LRP1B: variants seen among roughly 807,000 people sequenced by gnomAD.
LRP1B encodes low-density lipoprotein receptor-related protein 1B.
Under a neutral mutation model 556.6 loss-of-function variants are expected in LRP1B, and 217 were observed. That is an observed-to-expected ratio of 0.39 (90% CI 0.35 to 0.44). The LOEUF (loss-of-function observed/expected upper bound fraction) is 0.44. Ranked by LOEUF, LRP1B falls within the 20% of genes least tolerant of loss-of-function variation. LRP1B has a pLI of 1.00. For missense variants in LRP1B, 5,053 were observed against 5,620.8 expected (o/e 0.90, Z 3.23); for synonymous variants, 2,047 against 1,865.8 (o/e 1.10, Z -2.50).
intron 2 of LRP1B, among the ~76,000 whole-genome samples, chr2:141,736,398 T>C (rs1428676273): frequency 6.6e-6 from 1 of 152,254 alleles, no homozygotes; most frequent in Admixed American, 6.5e-5. Flanking sequence ...GTCATTCGAG[T>C]TGACCCTAAT....
intron 2 of LRP1B, among the ~76,000 whole-genome samples, chr2:141,518,723 C>T (rs968837970): frequency 6.6e-6 from 1 of 152,038 alleles, no homozygotes; most frequent in African/African-American, 2.4e-5. Context: ...CCGAGGTGGG[C>T]GGATCACCTG....
At chr2:142,061,195 A>G in intron 1 of LRP1B, among the ~76,000 whole-genome samples, 1 of 152,020 alleles carries the variant, frequency 6.6e-6, no homozygotes, top group East Asian at 1.9e-4. Flanking sequence ...CAGAATAAAG[A>G]GTAAAGCAAT....
intron 2 of LRP1B, among the ~76,000 whole-genome samples, chr2:141,809,969 C>A (rs1036494077): frequency 6.6e-6 from 1 of 151,058 alleles, no homozygotes; most frequent in Admixed American, 6.6e-5. Flanking sequence ...AAATAATTAA[C>A]CTCACATTTT....
At chr2:142,016,890 G>A (rs1254566942) in intron 1 of LRP1B, among the ~76,000 whole-genome samples, 3 of 149,102 alleles carry the variant, frequency 2.0e-5, no homozygotes, top group African/African-American at 7.4e-5. Context: ...GTGTTTATAT[G>A]TATATACACA....
At chr2:141,088,431 G>A (rs763183615) in intron 7 of LRP1B, among the ~76,000 whole-genome samples, 3 of 152,016 alleles carry the variant, frequency 2.0e-5, no homozygotes, top group Non-Finnish European at 4.4e-5. Flanking sequence ...CTGTTCTAAC[G>A]TCACATTTTT....
chr2:142,097,607 C>A (rs1488863192), intron 1 of LRP1B, among the ~76,000 whole-genome samples: 3 of 151,418 alleles, frequency 2.0e-5, no homozygotes, highest in Admixed American at 2.0e-4. Context: ...CTTAAGTGAG[C>A]TAGTATGTAT....
At chr2:140,455,390 C>T (rs1023038951) in intron 62 of LRP1B, among the ~76,000 whole-genome samples, 2 of 152,140 alleles carry the variant, frequency 1.3e-5, no homozygotes, top group Admixed American at 6.5e-5. Flanking sequence ...ATAATAACAA[C>T]ACCTACTATG....
chr2:140,681,431 AT>A (rs1685855893), intron 41 of LRP1B, among the ~76,000 whole-genome samples: 1 of 152,200 alleles, frequency 6.6e-6, no homozygotes, highest in African/African-American at 2.4e-5. Context: ...TCAATAAAAA[AT>A]AAATAAATCT....
chr2:141,448,747 G>T lies in LRP1B; in HGVS notation c.343+31649C>A, dbSNP rs571365673. On this transcript the variant is annotated intron_variant, in intron 3 of 90. Coordinates refer to ENST00000389484, the MANE Select transcript of LRP1B (RefSeq NM_018557.3). ...TAAACCCACTGTCTAACCACTCCCA[G>T]TGAGATCAGCCAGGTATCTCAGTTG... Among the ~76,000 whole-genome samples the T allele has an allele frequency of 4.6e-5, 7 of 152,304 alleles. No individual in the cohort carries two copies. In the East Asian group the frequency reaches 1.4e-3, roughly 29 times the overall value.
At position 140,335,623 on chromosome 2, in the gene LRP1B, A is replaced by C. The variant is rs1197831718; in HGVS notation, c.12108T>G (p.Pro4036=). The change falls in exon 78 of 91, where the codon CCT becomes CCG. Residue 4036 remains proline, a synonymous_variant. Coordinates refer to ENST00000389484, the MANE Select transcript of LRP1B (RefSeq NM_018557.3). ...AGEPYAIAVN[P]KRGMMYWTVV... ...CTAAGCCATTAACCTACCCTCTTTTAGGATTTACTGCAATAGCATAGGGTT... is the reference window on the plus strand; with the variant it reads ...CTAAGCCATTAACCTACCCTCTTTTCGGATTTACTGCAATAGCATAGGGTT... 1 of 1,597,358 alleles carries C rather than the reference A, an allele frequency of 6.3e-7. No homozygotes were observed.
intron 60 of LRP1B, among the ~76,000 whole-genome samples, chr2:140,471,932 T>C (rs796386434): frequency 3.3e-4 from 50 of 152,346 alleles, no homozygotes; most frequent in African/African-American, 1.2e-3. Flanking sequence ...TTGCACATGC[T>C]GTTCCCTCTG....
intron 2 of LRP1B, among the ~76,000 whole-genome samples, chr2:141,701,713 A>G (rs893068550): frequency 2.8e-4 from 43 of 151,900 alleles, no homozygotes; most frequent in African/African-American, 7.0e-4. Flanking sequence ...CAGGCTTTTG[A>G]ATGTTACATT....
rs987778405 is a variant in LRP1B, at chr2:140,444,055, T to G, written c.10294+275A>C. ...AACATAATCAACTGCCATGTTTTAT[T>G]TGGTGCTTCTCTTAAGGATGATGTG... On this transcript the variant is annotated intron_variant, in intron 65 of 90. Coordinates refer to ENST00000389484, the MANE Select transcript of LRP1B (RefSeq NM_018557.3). Among the ~76,000 whole-genome samples the G allele has an allele frequency of 7.2e-5, 11 of 152,196 alleles. No homozygotes were observed. The South Asian group carries it at 2.3e-3, about 31-fold the overall frequency.
intron 15 of LRP1B, among the ~76,000 whole-genome samples, chr2:141,003,027 T>A (rs1169351664): frequency 1.3e-5 from 2 of 151,858 alleles, no homozygotes; most frequent in Admixed American, 6.6e-5. Flanking sequence ...AATAAAATAA[T>A]TTAAAACTGA....
intron 52 of LRP1B, among the ~76,000 whole-genome samples, chr2:140,507,720 A>G (rs1235215961): frequency 6.6e-6 from 1 of 152,212 alleles, no homozygotes; most frequent in Non-Finnish European, 1.5e-5. Context: ...TAATCTTTGC[A>G]TATATTTAAA....
intron 2 of LRP1B, among the ~76,000 whole-genome samples, chr2:141,549,752 T>C (rs1317218905): frequency 1.3e-5 from 2 of 152,170 alleles, no homozygotes; most frequent in Non-Finnish European, 2.9e-5. Context: ...ATCCCAGCAC[T>C]TTGGGAGGCC....
At chr2:140,341,463 T>C (rs903593960) in intron 77 of LRP1B, among the ~76,000 whole-genome samples, 18 of 151,488 alleles carry the variant, frequency 1.2e-4, no homozygotes, top group African/African-American at 3.9e-4. Flanking sequence ...AAACACATTA[T>C]GTGGGATGAG....
intron 2 of LRP1B, among the ~76,000 whole-genome samples, chr2:141,671,464 G>C (rs1049741167): frequency 6.6e-6 from 1 of 152,142 alleles, no homozygotes; most frequent in Non-Finnish European, 1.5e-5. Flanking sequence ...TGATTCCGCA[G>C]GGGAACTCTG....
At chr2:140,705,521 C>CAAAAAAAAAAAAAAAAAAAAAA (rs565447198) in intron 37 of LRP1B, among the ~76,000 whole-genome samples, 1 of 68,228 alleles carries the variant, frequency 1.5e-5, no homozygotes, top group African/African-American at 6.9e-5. Context: ...GAGACTGTCT[C>CAAAAAAAAAAAAAAAAAAAAAA]AAAAAAAAAA....
Sources: gnomAD v4.1 joint callset for allele counts (sites outside exome capture counted in the v4.1 genomes callset) on GRCh38, gnomAD v4.1.1 for gene constraint, MANE v1.5 for transcripts, NCBI Gene and HGNC (gene_info 2026-07-23, HGNC 2026-07-21) for gene names.